The following USP15 variants were observed in gnomAD, a reference collection of about 807,000 sequenced individuals.
The protein encoded by USP15 is ubiquitin carboxyl-terminal hydrolase 15.
USP15 carries 18 observed loss-of-function variants against 127.1 expected under a neutral mutation model. The observed-to-expected ratio is 0.14, with a 90% CI of 0.10 to 0.21. USP15 has a LOEUF of 0.21. USP15 is among the 10% of genes least tolerant of loss of function. The probability of loss-of-function intolerance (pLI) is 1.00; values close to 1 mark genes in which losing one functional copy is unlikely to be tolerated. For missense variants in USP15, 805 were observed against 1,159.9 expected, an observed-to-expected ratio of 0.69 and a Z score of 4.44; for synonymous variants, 364 against 393.7, an observed-to-expected ratio of 0.92 and a Z score of 0.89.
At chr12:62,374,798 A>G (rs1022457033) in intron 8 of USP15, among the ~76,000 whole-genome samples, 5 of 152,150 alleles carry the variant, frequency 3.3e-5, no homozygotes, top group African/African-American at 9.6e-5. Context: ...CTTTCTGAAA[A>G]TAATGGAAGA....
chr12:62,343,365 G>A (rs371323921), intron 6 of USP15, among the ~76,000 whole-genome samples: 13 of 152,176 alleles, frequency 8.5e-5, no homozygotes, highest in East Asian at 3.9e-4. Flanking sequence ...AGTGGGACCC[G>A]CTGAGCGAGA....
intron 1 of USP15, among the ~76,000 whole-genome samples, chr12:62,261,841 T>C (rs1214879915): frequency 6.6e-6 from 1 of 152,224 alleles, no homozygotes; most frequent in Non-Finnish European, 1.5e-5. Flanking sequence ...CTTTTTTCTT[T>C]TTTGGTAGGC....
chr12:62,305,693 T>A (rs1484849506), intron 3 of USP15: 1 of 152,138 alleles, frequency 6.6e-6, no homozygotes, highest in Non-Finnish European at 1.5e-5. Flanking sequence ...GTGTATAGAA[T>A]TAACTACACA....
rs1220618314 is a variant in USP15 at position 62,405,223 on chromosome 12, C to T, written c.*848C>T. On this transcript the variant is annotated 3_prime_UTR_variant, in exon 22 of 22. Coordinates refer to ENST00000280377, the MANE Select transcript of USP15 (RefSeq NM_001252078.2). ...ACCCCATTTTGTGGTAATTTGGCAA[C>T]TTGAGCTCTCCCAATTATTGTAATA... 1 of 152,088 alleles carries T rather than the reference C, an allele frequency of 6.6e-6. No individual in the cohort carries two copies. Among genetic ancestry groups the T allele is most frequent in the Non-Finnish European group, 1.5e-5 (1 of 67,990 alleles). 9.4% of individuals were successfully genotyped at this position (152,088 alleles called of 1,614,324 possible).
chr12:62,264,142 GC>G (rs2063141519), intron 1 of USP15, among the ~76,000 whole-genome samples: 3 of 151,994 alleles, frequency 2.0e-5, no homozygotes. Flanking sequence ...ATGCCACCAC[GC>G]CCAGCTAATT....
At chr12:62,310,310 A>G (rs912217729) in intron 3 of USP15, among the ~76,000 whole-genome samples, 3 of 151,818 alleles carry the variant, frequency 2.0e-5, no homozygotes, top group African/African-American at 7.2e-5. Flanking sequence ...CTGCTCTGCT[A>G]CCAAACATTG....
chr12:62,307,848 CCTCTT>C (rs2064531852), intron 3 of USP15, among the ~76,000 whole-genome samples: 1 of 152,084 alleles, frequency 6.6e-6, no homozygotes, highest in African/African-American at 2.4e-5. Context: ...ATTCACTTCA[CCTCTT>C]CTCATCAGGT....
chr12:62,329,762 G>A (rs1043568267), intron 6 of USP15, among the ~76,000 whole-genome samples: 3 of 152,162 alleles, frequency 2.0e-5, no homozygotes, highest in African/African-American at 7.2e-5. Flanking sequence ...CCATCAAAAT[G>A]ACAAATATTT....
chr12:62,293,369 T>C (rs1448229069), intron 1 of USP15, among the ~76,000 whole-genome samples: 1 of 152,156 alleles, frequency 6.6e-6, no homozygotes, highest in Non-Finnish European at 1.5e-5. Flanking sequence ...ATTTTGGTTC[T>C]TTTTTGAGAC....
intron 6 of USP15, among the ~76,000 whole-genome samples, chr12:62,339,824 A>G (rs1163151982): frequency 6.6e-6 from 1 of 152,218 alleles, no homozygotes; most frequent in Non-Finnish European, 1.5e-5. Context: ...AATGTGCATC[A>G]GGGATATTGG....
chr12:62,396,068 A>G (rs2067480765), intron 19 of USP15, among the ~76,000 whole-genome samples: 1 of 151,938 alleles, frequency 6.6e-6, no homozygotes, highest in Non-Finnish European at 1.5e-5. Context: ...CCCATAAACA[A>G]ATGTTTGCCA....
At chr12:62,386,160 T>C (rs2067142637) in intron 11 of USP15, among the ~76,000 whole-genome samples, 2 of 102,600 alleles carry the variant, frequency 1.9e-5, no homozygotes, top group Non-Finnish European at 4.5e-5. Context: ...TTTGTTTTTG[T>C]GTTTTGTGTT....
At chr12:62,270,002 TG>T (rs2063309439) in intron 1 of USP15, among the ~76,000 whole-genome samples, 1 of 152,082 alleles carries the variant, frequency 6.6e-6, no homozygotes, top group Admixed American at 6.6e-5. Context: ...CCACCAGCAG[TG>T]TATGAGGGTT....
At chr12:62,289,058 G>A (rs143988360) in intron 1 of USP15, among the ~76,000 whole-genome samples, 1,567 of 152,186 alleles carry the variant, frequency 0.01, 12 homozygotes, top group Non-Finnish European at 0.015. Context: ...TTCTTTATTT[G>A]ATGAGTCCTT....
rs184815265 is a variant in USP15, at chr12:62,406,299, T to C, written c.*1924T>C. 1.4e-4 allele frequency: 22 copies of C among 152,308 alleles called. No homozygotes were observed. Among genetic ancestry groups the C allele is most frequent in the Admixed American group, 5.9e-4 (9 of 15,298 alleles). The allele number at this position is 152,308 out of a possible 1,614,324, so 9.4% of individuals were successfully genotyped here. A position where few individuals can be genotyped will look rare whatever the true frequency, so the allele number is the denominator to read the frequency against. On this transcript the variant is annotated 3_prime_UTR_variant, in exon 22 of 22. Transcript: ENST00000280377. ...AGTTGATTTTTGTCCACTTTAATAT[T>C]TATTCATTAAACATATGTTTGTGTA...
chr12:62,267,254 CAG>C (rs767313786), intron 1 of USP15: 34 of 152,208 alleles, frequency 2.2e-4, no homozygotes, highest in African/African-American at 7.7e-4. Flanking sequence ...ATCCTTTAAA[CAG>C]GGGAATGTAG....
At chr12:62,389,341 G>A (rs1481544632) in intron 11 of USP15, 90 bp from the exon 12 acceptor site, 1 of 1,078,778 alleles carries the variant, frequency 9.3e-7, no homozygotes, top group African/African-American at 1.6e-5. Flanking sequence ...AATGCCAAAT[G>A]AATGTGAGAT....
At chr12:62,264,248 G>A (rs2063144682) in intron 1 of USP15, among the ~76,000 whole-genome samples, 1 of 152,078 alleles carries the variant, frequency 6.6e-6, no homozygotes, top group African/African-American at 2.4e-5. Context: ...CCTCCCAGAG[G>A]GCCGGGATTA....
At position 62,416,165 on chromosome 12, in the gene USP15, A is replaced by C. The variant is rs2068150049; in HGVS notation, c.*11790A>C. 6.6e-6 allele frequency: 1 copy of C among 152,190 alleles called. No individual in the cohort carries two copies. The highest frequency in any genetic ancestry group is 6.5e-5 in the Admixed American group (1 of 15,274). 9.4% of individuals were successfully genotyped at this position (152,190 alleles called of 1,614,324 possible). On this transcript the variant is annotated 3_prime_UTR_variant, in exon 22 of 22. Coordinates refer to ENST00000280377, the MANE Select transcript of USP15 (RefSeq NM_001252078.2). The stretch of plus-strand genomic sequence containing the variant: ...GTCCCACATTTGCATGGTCTGCCTT[A>C]TCTCTTACCTGGCGAACTCCTACAC...
Sources: allele counts gnomAD v4.1 joint callset (sites outside exome capture counted in the v4.1 genomes callset), GRCh38; gene constraint gnomAD v4.1.1; transcripts MANE v1.5; gene names NCBI Gene and HGNC (gene_info 2026-07-23, HGNC 2026-07-21).